WDPCP: variants seen among roughly 807,000 people sequenced by gnomAD.
WDPCP encodes WD repeat-containing and planar cell polarity effector protein fritz homolog.
WDPCP carries 71 observed loss-of-function variants against 93.1 expected under a neutral mutation model. That is an observed-to-expected ratio of 0.76 (90% CI 0.63 to 0.93). The LOEUF is 0.93. WDPCP is among the 40% of genes least tolerant of loss of function. The pLI is 0.00. For missense variants in WDPCP, 844 were observed against 887.4 expected (o/e 0.95, Z 0.62); for synonymous variants, 315 against 315.0 (o/e 1.00, Z 0.00).
intron 1 of WDPCP, among the ~76,000 whole-genome samples, chr2:63,819,640 G>A (rs1274836716): frequency 2.6e-5 from 4 of 152,092 alleles, no homozygotes; most frequent in Non-Finnish European, 1.5e-5. Context: ...GTAAGTTCCC[G>A]GGTGATACTG....
At chr2:63,670,063 T>G (rs1415176144) in intron 2 of WDPCP, among the ~76,000 whole-genome samples, 1 of 152,214 alleles carries the variant, frequency 6.6e-6, no homozygotes, top group Non-Finnish European at 1.5e-5. Context: ...GTATTATTGA[T>G]AAAAATAACA....
intron 8 of WDPCP, among the ~76,000 whole-genome samples, chr2:63,435,298 G>A (rs1322464942): frequency 6.6e-6 from 1 of 152,054 alleles, no homozygotes; most frequent in African/African-American, 2.4e-5. Context: ...TTAAACTATG[G>A]TACAGCTGTA....
At chr2:63,467,424 G>C (rs1174578563) in intron 6 of WDPCP, among the ~76,000 whole-genome samples, 2 of 151,812 alleles carry the variant, frequency 1.3e-5, no homozygotes, top group African/African-American at 4.8e-5. Context: ...AGGTTGGAGT[G>C]AGCCGAGATT....
chr2:63,713,238 C>T (rs1669288975), intron 2 of WDPCP, among the ~76,000 whole-genome samples: 1 of 152,212 alleles, frequency 6.6e-6, no homozygotes, highest in Admixed American at 6.5e-5. Flanking sequence ...CACACACCTC[C>T]ATTCCATACA....
At chr2:63,537,013 C>T (rs1013684489) in intron 1 of WDPCP, among the ~76,000 whole-genome samples, 9 of 152,012 alleles carry the variant, frequency 5.9e-5, no homozygotes, top group African/African-American at 1.9e-4. Flanking sequence ...AGTGATCCAC[C>T]CGCCTCAGCC....
chr2:63,811,172 A>G (rs1161553029), intron 2 of WDPCP, among the ~76,000 whole-genome samples: 2 of 152,224 alleles, frequency 1.3e-5, no homozygotes, highest in African/African-American at 4.8e-5. Flanking sequence ...GTTGTGACAA[A>G]CACACTATAA....
At chr2:63,625,738 A>G (rs879035403) in intron 3 of WDPCP, among the ~76,000 whole-genome samples, 2 of 152,230 alleles carry the variant, frequency 1.3e-5, no homozygotes, top group Non-Finnish European at 1.5e-5. Context: ...GGAAGAATCA[A>G]TATCGTGAAA....
intron 3 of WDPCP, chr2:63,606,783 A>G: frequency 9.1e-7 from 1 of 1,095,238 alleles, no homozygotes; most frequent in South Asian, 1.9e-5. Flanking sequence ...ATACCTCTAA[A>G]TATAAGTTCA....
chr2:63,216,253 C>T (rs544336772), intron 14 of WDPCP, among the ~76,000 whole-genome samples: 18 of 152,288 alleles, frequency 1.2e-4, no homozygotes, highest in African/African-American at 4.3e-4. Context: ...AAGACACATG[C>T]ACACGTATGT....
At chr2:63,576,063 C>G (rs1255862450) in intron 1 of WDPCP, among the ~76,000 whole-genome samples, 1 of 152,188 alleles carries the variant, frequency 6.6e-6, no homozygotes, top group Non-Finnish European at 1.5e-5. Flanking sequence ...TACCCTCACA[C>G]ACCACTCAAC....
intron 1 of WDPCP, among the ~76,000 whole-genome samples, chr2:63,496,153 G>A (rs1701210760): frequency 6.6e-6 from 1 of 152,136 alleles, no homozygotes; most frequent in Non-Finnish European, 1.5e-5. Flanking sequence ...AAGTTTAGCT[G>A]TTTGTTGCTA....
chr2:63,384,378 C>A (rs1196414172), intron 10 of WDPCP, among the ~76,000 whole-genome samples: 1 of 151,962 alleles, frequency 6.6e-6, no homozygotes, highest in Non-Finnish European at 1.5e-5. Context: ...CAAATATAAC[C>A]TAAATGCAAT....
chr2:63,150,918 T>C (rs1671846684), intron 17 of WDPCP, among the ~76,000 whole-genome samples: 1 of 152,212 alleles, frequency 6.6e-6, no homozygotes, highest in African/African-American at 2.4e-5. Context: ...CAGCCTGTTA[T>C]AATCTGTATC....
intron 1 of WDPCP, among the ~76,000 whole-genome samples, chr2:63,825,978 G>A (rs970844251): frequency 6.6e-6 from 1 of 152,014 alleles, no homozygotes; most frequent in African/African-American, 2.4e-5. Flanking sequence ...GAAAGTTACA[G>A]TCCTGCATTA....
chr2:63,615,555 C>T (rs1004965930), intron 3 of WDPCP, among the ~76,000 whole-genome samples: 3 of 152,136 alleles, frequency 2.0e-5, no homozygotes, highest in African/African-American at 7.2e-5. Flanking sequence ...TAAGATACCC[C>T]CTCCCCACTA....
rs983188471 is a variant in WDPCP at position 63,599,377 on chromosome 2, G to A, written n.488+51282C>T. On this transcript the variant is annotated intron_variant and non_coding_transcript_variant, in intron 3 of 4. Transcript: ENST00000467687. ...TTTTAAAATAACTGAATCTGAGTTT[G>A]TGCTTTTTTCTTGTTTTTGTTTAGT... 2.1e-6 allele frequency: 3 copies of A among 1,422,932 alleles called. No homozygotes were observed. In the African/African-American group the frequency reaches 4.4e-5, roughly 21 times the overall value. The allele number at this position is 1,422,932 out of a possible 1,614,324, so 88.1% of individuals were successfully genotyped here.
intron 3 of WDPCP, among the ~76,000 whole-genome samples, chr2:63,615,442 G>A (rs1709662420): frequency 6.6e-6 from 1 of 152,262 alleles, no homozygotes; most frequent in African/African-American, 2.4e-5. Flanking sequence ...TCAGGCCAAG[G>A]AGCCGTCTGC....
At position 63,588,353 on chromosome 2, in the gene WDPCP, G is replaced by C; in HGVS notation, c.-82C>G. The C allele has an allele frequency of 6.7e-7, 1 of 1,500,964 alleles. No individual in the cohort carries two copies. Among genetic ancestry groups the C allele is most frequent in the Non-Finnish European group, 9.1e-7 (1 of 1,101,454 alleles). The allele number at this position is 1,500,964 out of a possible 1,614,324, so 93.0% of individuals were successfully genotyped here. ...GAGCGACACGCTCGCTTGGTCTCTT[G>C]GGTCTCCAGGACGCCGCCGCCGCCG... On this transcript the variant is annotated 5_prime_UTR_variant, in exon 1 of 18. Transcript: ENST00000272321.
chr2:63,700,628 T>C (rs1669034345), intron 2 of WDPCP, among the ~76,000 whole-genome samples: 1 of 152,154 alleles, frequency 6.6e-6, no homozygotes, highest in Non-Finnish European at 1.5e-5. Context: ...GCATACAGTG[T>C]TTAAAAGTTT....
Sources: allele counts gnomAD v4.1 joint callset (sites outside exome capture counted in the v4.1 genomes callset), GRCh38; gene constraint gnomAD v4.1.1; transcripts MANE v1.5; gene names NCBI Gene and HGNC (gene_info 2026-07-23, HGNC 2026-07-21).